OR1M1: variants seen among roughly 807,000 people sequenced by gnomAD.
OR1M1 encodes olfactory receptor family 1 subfamily M member 1, also known as olfactory receptor 1M1.
For synonymous variants in OR1M1, 157 were observed against 165.5 expected (o/e 0.95, Z 0.39); for missense variants, 397 against 401.8 (o/e 0.99, Z 0.10).
rs761961718 is a variant in OR1M1 at position 9,094,111 on chromosome 19, C to T, written c.867C>T (p.Ile289=). The T allele has an allele frequency of 8.7e-6, 14 of 1,613,706 alleles. No individual in the cohort carries two copies. The highest frequency in any genetic ancestry group is 3.3e-5 in the Admixed American group (2 of 59,956). The change falls in exon 2 of 2, where the codon ATC becomes ATT. Residue 289 remains isoleucine (I), a synonymous_variant. Transcript: ENST00000641627. ...TCACCCCCATGCTGAATCCCTTCAT[C>T]TACAGCTTGAGGAACAGAGACCTGA... ...TAVTPMLNPF[I]YSLRNRDLKG...
In OR1M1 at chr19:9,089,055, T is replaced by C. The variant is rs147749447; in HGVS notation, c.-14+1898T>C. Among the ~76,000 whole-genome samples the C allele has an allele frequency of 3.3e-5, 5 of 152,308 alleles. No homozygotes were observed. In the East Asian group the frequency reaches 7.7e-4, roughly 23 times the overall value. On this transcript the variant is annotated intron_variant, in intron 1 of 1. Transcript: ENST00000641627. ...ATTTCTCTGTGTTGGGAACACTCAA[T>C]ATCCTCCTTCTAGCTGTTTAGCTAT...
chr19:9,090,064 G>A (rs553592162), intron 1 of OR1M1, among the ~76,000 whole-genome samples: 5 of 152,246 alleles, frequency 3.3e-5, no homozygotes, highest in African/African-American at 9.6e-5. Flanking sequence ...TTCTGTTGTC[G>A]TGAGTAGCAA....
At position 9,094,324 on chromosome 19, in the gene OR1M1, C is replaced by G; in HGVS notation, c.*138C>G. ...ATTATTATTTAGAGATGGGGTCTCA[C>G]TATGTTGCCCGTGCTGGAGTGCAGT... is the stretch of plus-strand genomic sequence containing the variant. On this transcript the variant is annotated 3_prime_UTR_variant, in exon 2 of 2. Transcript: ENST00000641627. 1.7e-6 allele frequency: 1 copy of G among 593,194 alleles called. No individual in the cohort carries two copies. 36.7% of individuals were successfully genotyped at this position (593,194 alleles called of 1,614,324 possible).
intron 1 of OR1M1, among the ~76,000 whole-genome samples, chr19:9,090,087 C>A (rs1194665792): frequency 6.6e-6 from 1 of 152,136 alleles, no homozygotes; most frequent in African/African-American, 2.4e-5. Context: ...TAGCAGAGAC[C>A]TTCGATCAGT....
In OR1M1 at chr19:9,093,241, A is replaced by C. The variant is rs1421582797; in HGVS notation, c.-4A>C. 1.3e-6 allele frequency: 2 copies of C among 1,590,240 alleles called. No homozygotes were observed. Among genetic ancestry groups the C allele is most frequent in the South Asian group, 2.3e-5 (2 of 87,650 alleles). On this transcript the variant is annotated 5_prime_UTR_variant, in exon 2 of 2. Transcript: ENST00000641627. ...CTTTCCATACTTCCAGAGGAATCACACCCATGGAACCAAGAAACCAAACCA... is the reference window on the plus strand; with the variant it reads ...CTTTCCATACTTCCAGAGGAATCACCCCCATGGAACCAAGAAACCAAACCA...
chr19:9,091,492 C>T (rs531101222), intron 1 of OR1M1, among the ~76,000 whole-genome samples: 11 of 152,072 alleles, frequency 7.2e-5, no homozygotes, highest in Admixed American at 3.9e-4. Context: ...AACCCCATTT[C>T]TACTAAAAAT....
chr19:9,093,320 C>T lies in OR1M1; in HGVS notation c.76C>T (p.Leu26Phe). The change falls in exon 2 of 2, where the codon CTT becomes TTT. Residue 26 changes from leucine to phenylalanine, a missense_variant. Transcript: ENST00000641627. The stretch of plus-strand genomic sequence containing the variant: ...CTCAGAAAAGCCAGAGCAGGAGACG[C>T]TTCTCTTTTCCCTGTTCTTCTGCAT... ...GLSEKPEQET[L>F]LFSLFFCMYL... is the part of the protein sequence containing the mutation. 1 of 1,613,898 alleles carries T rather than the reference C, an allele frequency of 6.2e-7. No individual in the cohort carries two copies. Among genetic ancestry groups the T allele is most frequent in the Non-Finnish European group, 8.5e-7 (1 of 1,179,980 alleles).
intron 1 of OR1M1, 102 bp downstream of exon 1, chr19:9,087,259 T>C (rs2050269835): frequency 6.6e-6 from 1 of 152,168 alleles, no homozygotes; most frequent in South Asian, 2.1e-4. Flanking sequence ...GAAGATTCTT[T>C]TTTATTATTT....
rs1166777925 is a variant in OR1M1 at position 9,089,933 on chromosome 19, T to A, written c.-14+2776T>A. 2.0e-5 allele frequency among the ~76,000 whole-genome samples: 3 copies of A among 152,284 alleles called. No homozygotes were observed. The East Asian group carries it at 5.8e-4, about 29-fold the overall frequency. ...CTTCATGAATTACAGAGATTAAGAG[T>A]ACATGCTCTAGATTTAGAATGCTTG... On this transcript the variant is annotated intron_variant, in intron 1 of 1. Transcript: ENST00000641627.
intron 1 of OR1M1, among the ~76,000 whole-genome samples, chr19:9,088,237 G>A (rs1414044431): frequency 6.6e-6 from 1 of 152,108 alleles, no homozygotes; most frequent in Non-Finnish European, 1.5e-5. Flanking sequence ...GGAACAGATG[G>A]CTTCCTCCTC....
In OR1M1 at chr19:9,094,314, T is replaced by TG. The variant is rs199959279; in HGVS notation, c.*132dup. 4.5e-3 allele frequency: 2,732 copies of TG among 606,420 alleles called. 60 individuals carry two copies. Among genetic ancestry groups the TG allele is most frequent in the African/African-American group, 0.042 (2,282 of 54,174 alleles). The allele number at this position is 606,420 out of a possible 1,614,324, so 37.6% of individuals were successfully genotyped here. A position where few individuals can be genotyped will look rare whatever the true frequency, so the allele number is the denominator to read the frequency against. ...TATTATTATTATTATTATTTAGAGA[T>TG]GGGGTCTCACTATGTTGCCCGTGCT... On this transcript the variant is annotated 3_prime_UTR_variant, in exon 2 of 2. Coordinates refer to ENST00000641627, the MANE Select transcript of OR1M1 (RefSeq NM_001004456.2).
At chr19:9,090,723 C>T (rs747910582) in intron 1 of OR1M1, among the ~76,000 whole-genome samples, 2 of 151,586 alleles carry the variant, frequency 1.3e-5, no homozygotes, top group Non-Finnish European at 2.9e-5. Context: ...CATGAGCCAC[C>T]GCGCCCGGCC....
In OR1M1 at chr19:9,093,334, G is replaced by T; in HGVS notation, c.90G>T (p.Leu30=). ...KPEQETLLFS[L]FFCMYLVMVV... The stretch of plus-strand genomic sequence containing the variant: ...AGCAGGAGACGCTTCTCTTTTCCCT[G>T]TTCTTCTGCATGTACCTGGTCATGG... The change falls in exon 2 of 2, where the codon CTG becomes CTT. Residue 30 remains leucine (L), a synonymous_variant. Coordinates refer to ENST00000641627, the MANE Select transcript of OR1M1 (RefSeq NM_001004456.2). The T allele has an allele frequency of 6.2e-7, 1 of 1,613,810 alleles. No homozygotes were observed. The highest frequency in any genetic ancestry group is 8.5e-7 in the Non-Finnish European group (1 of 1,179,968).
In OR1M1 at chr19:9,094,178, T is replaced by A; in HGVS notation, c.934T>A (p.Ser312Thr). ...RKLVNRKITSSS is the reference protein window; with the variant it reads ...RKLVNRKITSTS Reference sequence around the variant, plus strand: ...GCTGGTCAACAGAAAGATCACCTCATCTTCCTGACCACCAGGACTCAGGAA... The same window carrying A: ...GCTGGTCAACAGAAAGATCACCTCAACTTCCTGACCACCAGGACTCAGGAA... Residue 312 changes from serine to threonine, a missense_variant, in exon 2 of 2, where the codon TCT (serine) becomes ACT (threonine). Transcript: ENST00000641627. The A allele has an allele frequency of 6.2e-7, 1 of 1,603,256 alleles. No individual in the cohort carries two copies. The highest frequency in any genetic ancestry group is 8.5e-7 in the Non-Finnish European group (1 of 1,176,728).
intron 1 of OR1M1, among the ~76,000 whole-genome samples, chr19:9,092,417 G>C (rs1034250922): frequency 2.0e-5 from 3 of 151,844 alleles, no homozygotes; most frequent in Non-Finnish European, 4.4e-5. Flanking sequence ...AACATAGCAA[G>C]ATCCTGTCTC....
rs561254221 is a variant in OR1M1, at chr19:9,092,890, G to A, written c.-13-342G>A. ...TACTCCAACCTGGGTGACAAAGCAAGACTCTGTCTCAAAAATATATATATA... is the reference window on the plus strand; with the variant it reads ...TACTCCAACCTGGGTGACAAAGCAAAACTCTGTCTCAAAAATATATATATA... On this transcript the variant is annotated intron_variant, in intron 1 of 1. Coordinates refer to ENST00000641627, the MANE Select transcript of OR1M1 (RefSeq NM_001004456.2). Among the ~76,000 whole-genome samples the A allele has an allele frequency of 2.1e-4, 31 of 150,668 alleles. 1 individual carries two copies. In the South Asian group the frequency reaches 6.5e-3, roughly 32 times the overall value.
At chr19:9,087,899 C>A (rs546240989) in intron 1 of OR1M1, among the ~76,000 whole-genome samples, 1 of 150,788 alleles carries the variant, frequency 6.6e-6, no homozygotes, top group South Asian at 2.1e-4. Context: ...CGTAACTAGA[C>A]TTTTTTTTTG....
chr19:9,093,109 C>T (rs4804096), intron 1 of OR1M1, 123 bp from the exon 2 acceptor site: 106,578 of 461,258 alleles, frequency 0.23, 8,848 homozygotes, highest in East Asian at 0.44. Context: ...CACACACACA[C>T]ATATATATAT....
rs147449997 is a variant in OR1M1 at position 9,093,813 on chromosome 19, C to T, written c.569C>T (p.Thr190Met). 305 of 1,614,018 alleles carry T rather than the reference C, an allele frequency of 1.9e-4. No homozygotes were observed. In the East Asian group the frequency reaches 5.9e-3, roughly 31 times the overall value. Residue 190 changes from threonine to methionine, a missense_variant, in exon 2 of 2, where the codon ACG becomes ATG. By Grantham distance (81) the Thr-to-Met change is moderately conservative (BLOSUM62 -1). Transcript: ENST00000641627. The stretch of plus-strand genomic sequence containing the variant: ...ACTCCCATCCTCCGACTTTCGTGCA[C>T]GGACACCTCTGTGAATAGGATCTTC... The part of the protein sequence containing the change: ...DLTPILRLSC[T>M]DTSVNRIFIL...
Sources: gnomAD v4.1 joint callset for allele counts (sites outside exome capture counted in the v4.1 genomes callset) on GRCh38, gnomAD v4.1.1 for gene constraint, MANE v1.5 for transcripts, NCBI Gene and HGNC (gene_info 2026-07-23, HGNC 2026-07-21) for gene names.